Variants in PDE3A observed in about 807,000 individuals in gnomAD.
PDE3A encodes phosphodiesterase 3A.
In PDE3A, 43 loss-of-function variants were observed where a neutral mutation model predicts 98.3. That is an observed-to-expected ratio of 0.44 (90% CI 0.34 to 0.56). The LOEUF (loss-of-function observed/expected upper bound fraction) is 0.56. Among genes scored for constraint, PDE3A ranks in the 20% least tolerant of loss-of-function variants. The pLI is 0.01. For synonymous variants in PDE3A, 663 were observed against 567.9 expected, an observed-to-expected ratio of 1.17 and a Z score of -2.38; for missense variants, 1,427 against 1,440.7, an observed-to-expected ratio of 0.99 and a Z score of 0.15.
At chr12:20,440,290 A>G (rs2120839632) in intron 1 of PDE3A, among the ~76,000 whole-genome samples, 1 of 152,284 alleles carries the variant, frequency 6.6e-6, no homozygotes, top group Admixed American at 6.5e-5. Flanking sequence ...AATTATAAGG[A>G]AAAAGAAATT....
chr12:20,386,572 C>G (rs34151895), intron 1 of PDE3A, among the ~76,000 whole-genome samples: 60,863 of 151,664 alleles, frequency 0.4, 13,698 homozygotes, highest in East Asian at 0.59. Flanking sequence ...GTCTCCTGAC[C>G]TCAAGTGATC....
Position 20,680,427 on chromosome 12 carries a change from A to AG in PDE3A, c.*157dup. 1.3e-6 allele frequency: 1 copy of AG among 766,136 alleles called. No homozygotes were observed. 47.5% of individuals were successfully genotyped at this position (766,136 alleles called of 1,614,324 possible). On this transcript the variant is annotated 3_prime_UTR_variant, in exon 16 of 16. Transcript: ENST00000359062. ...TCGCATTTTGTGTGTATATTTTTAC[A>AG]GTGAGGTACATTGTTAAAAACTTTT...
chr12:20,380,574 T>A (rs1034584200), intron 1 of PDE3A, among the ~76,000 whole-genome samples: 2 of 151,850 alleles, frequency 1.3e-5, no homozygotes, highest in Non-Finnish European at 2.9e-5. Flanking sequence ...ATCAGAGACA[T>A]ATCTTTTGAG....
At chr12:20,667,322 T>G (rs2082660271) in intron 15 of PDE3A, among the ~76,000 whole-genome samples, 2 of 152,196 alleles carry the variant, frequency 1.3e-5, no homozygotes, top group African/African-American at 2.4e-5. Flanking sequence ...CCTGGGTTTT[T>G]GAGGTCTTAA....
intron 1 of PDE3A, among the ~76,000 whole-genome samples, chr12:20,539,448 C>G (rs1941839637): frequency 6.6e-6 from 1 of 152,086 alleles, no homozygotes; most frequent in African/African-American, 2.4e-5. Flanking sequence ...GATGCTCGAA[C>G]TGTAATGAAA....
At chr12:20,373,320 C>G (rs1371899271) in intron 1 of PDE3A, among the ~76,000 whole-genome samples, 1 of 152,024 alleles carries the variant, frequency 6.6e-6, no homozygotes, top group Non-Finnish European at 1.5e-5. Flanking sequence ...ACTTTCGCAT[C>G]CCAGAGCAGA....
chr12:20,519,803 G>A (rs1009087619), intron 1 of PDE3A, among the ~76,000 whole-genome samples: 1 of 152,116 alleles, frequency 6.6e-6, no homozygotes, highest in African/African-American at 2.4e-5. Context: ...AGAGAAGGAA[G>A]GCTGCCATCA....
chr12:20,418,909 G>C (rs141306840), intron 1 of PDE3A, among the ~76,000 whole-genome samples: 1 of 151,668 alleles, frequency 6.6e-6, no homozygotes, highest in African/African-American at 2.4e-5. Context: ...TTAATATTCC[G>C]TATATGACTG....
chr12:20,646,759 A>C lies in PDE3A; in HGVS notation c.2374A>C (p.Ser792Arg), dbSNP rs774023429. ...TCATTTTCTCTTCTCAGATTCTGAC[A>C]GTGGATTTACACATGGACATATGGG... is the stretch of plus-strand genomic sequence containing the variant. The part of the protein sequence containing the change: ...HGSTSDSDSD[S>R]GFTHGHMGYV... The change falls in exon 12 of 16, where the codon AGT (serine) becomes CGT (arginine). Residue 792 changes from serine (S) to arginine (R), a missense_variant. Coordinates refer to ENST00000359062, the MANE Select transcript of PDE3A (RefSeq NM_000921.5). 158 of 1,601,156 alleles carry C rather than the reference A, an allele frequency of 9.9e-5. No homozygotes were observed. The highest frequency in any genetic ancestry group is 1.4e-4 in the Non-Finnish European group (158 of 1,168,438).
intron 2 of PDE3A, among the ~76,000 whole-genome samples, chr12:20,593,073 C>T (rs12318442): frequency 0.16 from 24,182 of 152,104 alleles, 1,964 homozygotes; most frequent in Middle Eastern, 0.23. Flanking sequence ...AGATGTTGAA[C>T]AAAGTACTAT....
At chr12:20,372,757 A>G (rs1206165874) in intron 1 of PDE3A, among the ~76,000 whole-genome samples, 1 of 152,170 alleles carries the variant, frequency 6.6e-6, no homozygotes, top group East Asian at 1.9e-4. Flanking sequence ...TCTACTTTCA[A>G]CTCAAGACAA....
Position 20,590,015 on chromosome 12 carries a change from G to T in PDE3A, c.1012-23428G>T, listed in dbSNP as rs138145330. ...CTAGTGAAAAATCTTATGCCACCTT[G>T]TGAGTTGGCAACGTATTACATGGAT... On this transcript the variant is annotated intron_variant, in intron 2 of 15. Transcript: ENST00000359062. Among the ~76,000 whole-genome samples, 589 of 152,104 alleles carry T rather than the reference G, an allele frequency of 3.9e-3. 1 individual carries two copies. The highest frequency in any genetic ancestry group is 5.4e-3 in the Non-Finnish European group (370 of 68,012).
intron 5 of PDE3A, among the ~76,000 whole-genome samples, chr12:20,627,385 C>T (rs1256957792): frequency 6.6e-6 from 1 of 150,602 alleles, no homozygotes; most frequent in African/African-American, 2.5e-5. Flanking sequence ...ACTTGCCCAG[C>T]AACCTCTCTG....
At chr12:20,578,090 T>G (rs1314053070) in intron 2 of PDE3A, among the ~76,000 whole-genome samples, 1 of 152,164 alleles carries the variant, frequency 6.6e-6, no homozygotes, top group East Asian at 1.9e-4. Context: ...AAAGATCACT[T>G]ATGCATTAGG....
chr12:20,579,176 A>G (rs1943008613), intron 2 of PDE3A, among the ~76,000 whole-genome samples: 1 of 152,154 alleles, frequency 6.6e-6, no homozygotes, highest in Non-Finnish European at 1.5e-5. Context: ...ATTCTATCCA[A>G]CTGAAAAGAT....
rs1945908133 is a variant in PDE3A at position 20,684,812 on chromosome 12, T to C, written c.*4541T>C. On this transcript the variant is annotated 3_prime_UTR_variant, in exon 16 of 16. Transcript: ENST00000359062. Reference sequence around the variant, plus strand: ...TTCATCTGGAAGATATTCAAATTCTTATTGGGAATGAATTACACTACAAAC... The same window carrying C: ...TTCATCTGGAAGATATTCAAATTCTCATTGGGAATGAATTACACTACAAAC... Among the ~76,000 whole-genome samples the C allele has an allele frequency of 6.6e-6, 1 of 152,230 alleles. No individual in the cohort carries two copies. The highest frequency in any genetic ancestry group is 1.5e-5 in the Non-Finnish European group (1 of 68,036).
chr12:20,375,022 T>C (rs989604962), intron 1 of PDE3A, among the ~76,000 whole-genome samples: 3 of 151,994 alleles, frequency 2.0e-5, no homozygotes, highest in Non-Finnish European at 4.4e-5. Context: ...TTATGGTGAA[T>C]TGTTTACTTA....
At chr12:20,447,767 A>T (rs1425918046) in intron 1 of PDE3A, among the ~76,000 whole-genome samples, 8 of 152,132 alleles carry the variant, frequency 5.3e-5, no homozygotes, top group Non-Finnish European at 1.2e-4. Flanking sequence ...AATTAATCAA[A>T]CACAAAGAGG....
At chr12:20,634,505 A>G (rs1194948668) in intron 7 of PDE3A, among the ~76,000 whole-genome samples, 1 of 152,192 alleles carries the variant, frequency 6.6e-6, no homozygotes, top group African/African-American at 2.4e-5. Context: ...TACACAGAGA[A>G]CTTTATTCCT....
Sources: gnomAD v4.1 joint callset for allele counts (sites outside exome capture counted in the v4.1 genomes callset) on GRCh38, gnomAD v4.1.1 for gene constraint, MANE v1.5 for transcripts, NCBI Gene and HGNC (gene_info 2026-07-23, HGNC 2026-07-21) for gene names.